Variants in FAM171A1 observed in about 807,000 individuals in gnomAD.
FAM171A1 encodes the protein protein FAM171A1.
Under a neutral mutation model 74.9 loss-of-function variants are expected in FAM171A1, and 23 were observed. The ratio of observed to expected loss-of-function variants is 0.31; its 90% confidence interval spans 0.22 to 0.44. FAM171A1 has a LOEUF of 0.44. Ranked by LOEUF, FAM171A1 falls within the 20% of genes least tolerant of loss-of-function variation. The pLI is 1.00. For missense variants in FAM171A1, 1,162 were observed against 1,159.2 expected, an observed-to-expected ratio of 1.00 and a Z score of -0.03; for synonymous variants, 527 against 505.7, an observed-to-expected ratio of 1.04 and a Z score of -0.57.
chr10:15,366,522 T>C (rs1836064531), intron 1 of FAM171A1, among the ~76,000 whole-genome samples: 1 of 152,236 alleles, frequency 6.6e-6, no homozygotes, highest in African/African-American at 2.4e-5. Flanking sequence ...CCTAAAGTCA[T>C]ATTTGGTGAT....
rs142252042 is a variant in FAM171A1 at position 15,314,150 on chromosome 10, C to T, written c.98-30045G>A. On this transcript the variant is annotated intron_variant, in intron 1 of 7. Coordinates refer to ENST00000378116, the MANE Select transcript of FAM171A1 (RefSeq NM_001010924.2). ...TCATGCGGTATCTGGTAGGATAAAC[C>T]GTCACCCTACAACTGGGGAAGGATT... Among the ~76,000 whole-genome samples, 147 of 152,242 alleles carry T rather than the reference C, an allele frequency of 9.7e-4. 2 individuals carry two copies. The South Asian group carries it at 0.01, about 11-fold the overall frequency.
intron 1 of FAM171A1, among the ~76,000 whole-genome samples, chr10:15,300,980 T>C (rs1298938205): frequency 1.3e-5 from 2 of 152,246 alleles, no homozygotes; most frequent in African/African-American, 4.8e-5. Flanking sequence ...GAGCTGACCA[T>C]GCCTGGCTAT....
intron 1 of FAM171A1, among the ~76,000 whole-genome samples, chr10:15,337,209 G>C (rs183888587): frequency 6.6e-6 from 1 of 152,044 alleles, no homozygotes; most frequent in Non-Finnish European, 1.5e-5. Flanking sequence ...AATAATTCAG[G>C]TCTGTGTTTC....
intron 1 of FAM171A1, among the ~76,000 whole-genome samples, chr10:15,294,969 G>A (rs1835143547): frequency 6.6e-6 from 1 of 152,220 alleles, no homozygotes; most frequent in African/African-American, 2.4e-5. Context: ...AGGCTGGAGT[G>A]CAGTGGCGCG....
chr10:15,330,518 C>T (rs1320986613), intron 1 of FAM171A1, among the ~76,000 whole-genome samples: 2 of 152,032 alleles, frequency 1.3e-5, no homozygotes, highest in African/African-American at 2.4e-5. Context: ...GAACTTCTTT[C>T]GGCCTTTATT....
At chr10:15,338,975 G>A (rs1213198917) in intron 1 of FAM171A1, among the ~76,000 whole-genome samples, 5 of 152,140 alleles carry the variant, frequency 3.3e-5, no homozygotes, top group Non-Finnish European at 7.3e-5. Context: ...CTGACCTCAA[G>A]TGATCCACCC....
chr10:15,220,989 G>C lies in FAM171A1; in HGVS notation c.826C>G (p.Pro276Ala), dbSNP rs192726462. Residue 276 changes from proline (P) to alanine (A), a missense_variant, in exon 6 of 8, where the codon CCC becomes GCC. Coordinates refer to ENST00000378116, the MANE Select transcript of FAM171A1 (RefSeq NM_001010924.2). ...GCGGCCACCCAGTACCCCAACTGGGGGGCAATGTATGTCCACGTCAGCTGG... is the reference window on the plus strand; with the variant it reads ...GCGGCCACCCAGTACCCCAACTGGGCGGCAATGTATGTCCACGTCAGCTGG... ...GSQLTWTYIAPQLGYWVAAMS... is the reference protein window; with the variant it reads ...GSQLTWTYIAAQLGYWVAAMS... 2.5e-6 allele frequency: 4 copies of C among 1,614,096 alleles called. No homozygotes were observed. The highest frequency in any genetic ancestry group is 1.7e-4 in the Middle Eastern group (1 of 6,058).
chr10:15,297,557 C>T (rs1190975994), intron 1 of FAM171A1, among the ~76,000 whole-genome samples: 3 of 152,124 alleles, frequency 2.0e-5, no homozygotes, highest in Non-Finnish European at 4.4e-5. Context: ...CCATTAACAA[C>T]ACTTAACAAC....
Position 15,213,872 on chromosome 10 carries a change from G to T in FAM171A1, c.1716C>A (p.Ser572Arg). The T allele has an allele frequency of 6.2e-7, 1 of 1,614,160 alleles. No individual in the cohort carries two copies. The highest frequency in any genetic ancestry group is 8.5e-7 in the Non-Finnish European group (1 of 1,180,040). Residue 572 changes from serine to arginine, a missense_variant, in exon 8 of 8, where the codon AGC becomes AGA. By Grantham distance (110) the Ser-to-Arg change is moderately radical. Coordinates refer to ENST00000378116, the MANE Select transcript of FAM171A1 (RefSeq NM_001010924.2). This position sits in a 1 kb window ranked among gnomAD's most constrained non-coding sequence, Gnocchi z 6.8. ...CCSSVDQVND[S>R]VYRKVLPALV... ...AGGCAGGCAGTACTTTCCTGTAAAC[G>T]CTGTCATTGACCTGGTCGACAGAAC...
chr10:15,238,134 C>T (rs1588505673), intron 5 of FAM171A1, among the ~76,000 whole-genome samples: 1 of 152,198 alleles, frequency 6.6e-6, no homozygotes, highest in Non-Finnish European at 1.5e-5. Flanking sequence ...TTTGGGGGCA[C>T]AGTGTAGTAC....
rs559704914 is a variant in FAM171A1 at position 15,290,929 on chromosome 10, C to T, written c.98-6824G>A. ...TTTTGTTTAGAGTCTTAGCTTACTA[C>T]AGGCTTGACCTCCCAGGCTCAAGCG... is the stretch of plus-strand genomic sequence containing the variant. On this transcript the variant is annotated intron_variant, in intron 1 of 7. Transcript: ENST00000378116. Among the ~76,000 whole-genome samples the T allele has an allele frequency of 2.6e-4, 40 of 152,236 alleles. 1 individual carries two copies. The South Asian group carries it at 7.1e-3, about 27-fold the overall frequency.
intron 5 of FAM171A1, chr10:15,237,345 T>C (rs1335521300): frequency 2.0e-5 from 3 of 152,138 alleles, no homozygotes; most frequent in African/African-American, 4.8e-5. Flanking sequence ...CTAGAACAAA[T>C]GTGATGCTAT....
At chr10:15,281,679 T>C (rs897442844) in intron 2 of FAM171A1, among the ~76,000 whole-genome samples, 1 of 152,158 alleles carries the variant, frequency 6.6e-6, no homozygotes, top group African/African-American at 2.4e-5. Flanking sequence ...CTGGCCAACA[T>C]GGCAAAACCC....
chr10:15,268,941 C>T (rs1588523368), intron 3 of FAM171A1, among the ~76,000 whole-genome samples: 1 of 152,118 alleles, frequency 6.6e-6, no homozygotes, highest in African/African-American at 2.4e-5. Flanking sequence ...ACTGGGGAGG[C>T]TGATGCATGA....
chr10:15,300,933 A>G (rs960249796), intron 1 of FAM171A1, among the ~76,000 whole-genome samples: 3 of 152,176 alleles, frequency 2.0e-5, no homozygotes, highest in African/African-American at 7.2e-5. Flanking sequence ...CGTCTACAGA[A>G]AGTTTACAAA....
chr10:15,253,066 C>G (rs796095943), intron 4 of FAM171A1, among the ~76,000 whole-genome samples: 1 of 152,082 alleles, frequency 6.6e-6, no homozygotes, highest in African/African-American at 2.4e-5. Context: ...TGCAGTGGCA[C>G]GATCTTGGCT....
At chr10:15,361,846 T>C (rs1835998841) in intron 1 of FAM171A1, among the ~76,000 whole-genome samples, 1 of 152,222 alleles carries the variant, frequency 6.6e-6, no homozygotes, top group Non-Finnish European at 1.5e-5. Flanking sequence ...GAGCTCAAGA[T>C]AGTACATCTA....
chr10:15,217,156 G>A (rs541949936), intron 6 of FAM171A1, among the ~76,000 whole-genome samples: 4 of 152,218 alleles, frequency 2.6e-5, no homozygotes, highest in African/African-American at 9.6e-5. Context: ...AAAATCCCAA[G>A]AGGTAGCTTA....
intron 1 of FAM171A1, among the ~76,000 whole-genome samples, chr10:15,342,162 C>T (rs750662012): frequency 3.7e-4 from 57 of 152,204 alleles, no homozygotes; most frequent in Non-Finnish European, 1.9e-4. Context: ...TCCTGAGAGT[C>T]GTTTCTCAAC....
Sources: gnomAD v4.1 joint callset for allele counts (sites outside exome capture counted in the v4.1 genomes callset) on GRCh38, gnomAD v4.1.1 for gene constraint, Gnocchi (gnomAD v3.1) non-coding constraint, MANE v1.5 for transcripts, NCBI Gene and HGNC (gene_info 2026-07-23, HGNC 2026-07-21) for gene names.